Variants in NRXN3 observed in about 807,000 individuals in gnomAD.
NRXN3 encodes the protein neurexin 3, also known as neurexin III.
Under a neutral mutation model 137.6 loss-of-function variants are expected in NRXN3, and 32 were observed. That is an observed-to-expected ratio of 0.23 (90% CI 0.18 to 0.31). NRXN3 has a LOEUF of 0.31. NRXN3 is among the 10% of genes least tolerant of loss of function. The pLI is 1.00. For synonymous variants in NRXN3, 798 were observed against 784.5 expected, an observed-to-expected ratio of 1.02 and a Z score of -0.29; for missense variants, 1,574 against 2,062.5, an observed-to-expected ratio of 0.76 and a Z score of 4.59.
intron 16 of NRXN3, among the ~76,000 whole-genome samples, chr14:79,524,899 A>G (rs2097104271): frequency 6.6e-6 from 1 of 152,202 alleles, no homozygotes; most frequent in Non-Finnish European, 1.5e-5. Flanking sequence ...GGACTGAGGC[A>G]GAAAACCCAG....
intron 16 of NRXN3, among the ~76,000 whole-genome samples, chr14:79,577,997 G>A (rs1376281601): frequency 6.6e-6 from 1 of 152,148 alleles, no homozygotes; most frequent in African/African-American, 2.4e-5. Flanking sequence ...ACCAACTCTA[G>A]GTGAAGGATG....
At chr14:78,568,246 G>A (rs764903549) in intron 4 of NRXN3, among the ~76,000 whole-genome samples, 9 of 152,156 alleles carry the variant, frequency 5.9e-5, no homozygotes, top group Non-Finnish European at 1.3e-4. Flanking sequence ...AGTAAGTCAT[G>A]AGTGCTTTGG....
At chr14:78,888,137 G>T (rs1366440733) in intron 10 of NRXN3, among the ~76,000 whole-genome samples, 1 of 152,042 alleles carries the variant, frequency 6.6e-6, no homozygotes, top group Non-Finnish European at 1.5e-5. Flanking sequence ...ATTTCCAGCT[G>T]CCAAGTTATA....
chr14:78,506,568 C>A (rs1490979878), intron 4 of NRXN3, among the ~76,000 whole-genome samples: 1 of 150,512 alleles, frequency 6.6e-6, no homozygotes, highest in African/African-American at 2.4e-5. Flanking sequence ...TACATCCTTA[C>A]TAATAGTTGT....
intron 10 of NRXN3, among the ~76,000 whole-genome samples, chr14:78,849,492 G>A (rs955780776): frequency 1.3e-5 from 2 of 152,070 alleles, no homozygotes; most frequent in Admixed American, 6.6e-5. Context: ...TAGAGGTCTG[G>A]TAGTTCTAAA....
chr14:79,656,617 T>C (rs1233763717), intron 16 of NRXN3, among the ~76,000 whole-genome samples: 1 of 82,912 alleles, frequency 1.2e-5, no homozygotes, highest in Non-Finnish European at 2.5e-5. Flanking sequence ...TCTCTCTCTC[T>C]TTTTTTTTTT....
chr14:79,597,461 G>A (rs2097869935), intron 16 of NRXN3, among the ~76,000 whole-genome samples: 1 of 152,154 alleles, frequency 6.6e-6, no homozygotes, highest in African/African-American at 2.4e-5. Context: ...GACAAAGAGG[G>A]TTAGGTGGTT....
At chr14:78,862,822 T>A (rs2099076301) in intron 10 of NRXN3, among the ~76,000 whole-genome samples, 1 of 152,134 alleles carries the variant, frequency 6.6e-6, no homozygotes, top group African/African-American at 2.4e-5. Flanking sequence ...TAAAGTGGAA[T>A]TTCAGATGAG....
chr14:79,332,080 ACAC>A (rs772575660), intron 15 of NRXN3, among the ~76,000 whole-genome samples: 2 of 152,182 alleles, frequency 1.3e-5, no homozygotes, highest in African/African-American at 2.4e-5. Context: ...AACTATATTT[ACAC>A]CACATGGGTG....
intron 4 of NRXN3, among the ~76,000 whole-genome samples, chr14:78,633,040 C>T (rs1425849814): frequency 6.6e-6 from 1 of 151,630 alleles, no homozygotes. Flanking sequence ...TTGAGACCAT[C>T]CTGGCTAACA....
intron 4 of NRXN3, among the ~76,000 whole-genome samples, chr14:78,469,261 C>G (rs116435732): frequency 6.6e-6 from 1 of 151,950 alleles, no homozygotes; most frequent in Non-Finnish European, 1.5e-5. Context: ...TGTGCCCATA[C>G]GTTAGAATCA....
chr14:79,490,484 T>C (rs1002939961), intron 16 of NRXN3, among the ~76,000 whole-genome samples: 1 of 151,942 alleles, frequency 6.6e-6, no homozygotes, highest in African/African-American at 2.4e-5. Flanking sequence ...TATTCAGTCA[T>C]AAAAAAAGAA....
intron 15 of NRXN3, among the ~76,000 whole-genome samples, chr14:79,456,519 G>A (rs2096259130): frequency 6.6e-6 from 1 of 152,140 alleles, no homozygotes; most frequent in Admixed American, 6.5e-5. Context: ...TTGAACCCAG[G>A]AGTTTGAGAC....
chr14:79,172,496 T>C (rs1179961461), intron 15 of NRXN3, among the ~76,000 whole-genome samples: 1 of 152,152 alleles, frequency 6.6e-6, no homozygotes, highest in African/African-American at 2.4e-5. Flanking sequence ...GGTCTTTGTT[T>C]TCCTTACCTG....
At chr14:79,416,842 T>C (rs2095504130) in intron 15 of NRXN3, among the ~76,000 whole-genome samples, 4 of 152,176 alleles carry the variant, frequency 2.6e-5, no homozygotes, top group Admixed American at 2.6e-4. Flanking sequence ...CAGTCCTTGG[T>C]TGGCAATTGA....
chr14:79,045,899 A>G (rs1277733042), intron 15 of NRXN3, among the ~76,000 whole-genome samples: 1 of 152,188 alleles, frequency 6.6e-6, no homozygotes, highest in East Asian at 1.9e-4. Flanking sequence ...AAAAACTCCC[A>G]AGTGATGCTG....
At chr14:79,311,598 G>C in intron 15 of NRXN3, among the ~76,000 whole-genome samples, 1 of 124,294 alleles carries the variant, frequency 8.0e-6, no homozygotes, top group African/African-American at 3.0e-5. Context: ...ATTGATTATT[G>C]CCACAATTTC....
chr14:79,419,407 T>C (rs1386040819), intron 15 of NRXN3, among the ~76,000 whole-genome samples: 1 of 152,174 alleles, frequency 6.6e-6, no homozygotes, highest in Non-Finnish European at 1.5e-5. Flanking sequence ...CATTTCTAGG[T>C]AGGAGAGATT....
At chr14:78,948,763 C>T (rs2099377431) in intron 10 of NRXN3, among the ~76,000 whole-genome samples, 1 of 149,462 alleles carries the variant, frequency 6.7e-6, no homozygotes, top group South Asian at 2.1e-4. Flanking sequence ...TTTTCTGTTT[C>T]ATAATTAGCA....
Sources: gnomAD v4.1 joint callset for allele counts (sites outside exome capture counted in the v4.1 genomes callset) on GRCh38, gnomAD v4.1.1 for gene constraint, MANE v1.5 for transcripts, NCBI Gene and HGNC (gene_info 2026-07-23, HGNC 2026-07-21) for gene names.